KLHL14: variants seen among roughly 807,000 people sequenced by gnomAD.
The protein encoded by KLHL14 is kelch-like protein 14.
Under a neutral mutation model 64.3 loss-of-function variants are expected in KLHL14, and 22 were observed. The observed-to-expected ratio is 0.34, with a 90% CI of 0.24 to 0.49. The LOEUF is 0.49. Among genes scored for constraint, KLHL14 ranks in the 20% least tolerant of loss-of-function variants. The pLI is 0.99. For synonymous variants in KLHL14, 322 were observed against 333.4 expected (o/e 0.97, Z 0.37); for missense variants, 661 against 789.0 (o/e 0.84, Z 1.94).
At chr18:32,761,806 GGGGGTT>G (rs2050315758) in intron 2 of KLHL14, among the ~76,000 whole-genome samples, 1 of 152,090 alleles carries the variant, frequency 6.6e-6, no homozygotes, top group Admixed American at 6.6e-5. Context: ...ATACAAATGT[GGGGGTT>G]ATTCCATAGC....
At position 32,680,201 on chromosome 18, in the gene KLHL14, C is replaced by T. The variant is rs375777459; in HGVS notation, c.1556G>A (p.Arg519His). The stretch of plus-strand genomic sequence containing the variant: ...ATGATTTCCTCCAATTGCATACAAG[C>T]GATCATTCATTACAGCCAAAGTGTG... ...AIHTLAVMND[R>H]LYAIGGNHLK... The change falls in exon 7 of 9, where the codon CGC becomes CAC. Residue 519 changes from arginine to histidine, a missense_variant. By Grantham distance (29) the Arg-to-His change is conservative (BLOSUM62 0). Coordinates refer to ENST00000359358, the MANE Select transcript of KLHL14 (RefSeq NM_020805.3). This position sits in a 1 kb window ranked among gnomAD's most constrained non-coding sequence, Gnocchi z 4.8. The T allele has an allele frequency of 4.0e-5, 64 of 1,613,558 alleles. No individual in the cohort carries two copies. The highest frequency in any genetic ancestry group is 2.3e-4 in the South Asian group (21 of 91,066).
chr18:32,748,815 A>G (rs1304407704), intron 2 of KLHL14, among the ~76,000 whole-genome samples: 1 of 152,146 alleles, frequency 6.6e-6, no homozygotes, highest in Non-Finnish European at 1.5e-5. Context: ...AACCTTATTT[A>G]TAAAATAGGG....
chr18:32,706,463 C>A (rs2144495991), intron 3 of KLHL14, among the ~76,000 whole-genome samples: 1 of 152,080 alleles, frequency 6.6e-6, no homozygotes, highest in East Asian at 1.9e-4. Flanking sequence ...TTTTAACTGG[C>A]AAAACTAGAT....
At chr18:32,689,633 T>G (rs1158172439) in intron 4 of KLHL14, among the ~76,000 whole-genome samples, 1 of 152,126 alleles carries the variant, frequency 6.6e-6, no homozygotes, top group Non-Finnish European at 1.5e-5. Flanking sequence ...GATGCAGCAT[T>G]GAAGGAAGGT....
At chr18:32,737,129 T>C (rs1568078592) in intron 3 of KLHL14, among the ~76,000 whole-genome samples, 1 of 151,966 alleles carries the variant, frequency 6.6e-6, no homozygotes, top group African/African-American at 2.4e-5. Context: ...TCTCCTGCAA[T>C]GAGAAACACA....
In KLHL14 at chr18:32,760,559, A is replaced by G. The variant is rs1043097474; in HGVS notation, c.947+9086T>C. On this transcript the variant is annotated intron_variant, in intron 2 of 8. Coordinates refer to ENST00000359358, the MANE Select transcript of KLHL14 (RefSeq NM_020805.3). ...GAAACCGACTGTAATTCTTCAGTTCACTTCTCTGCAGCCTCCAGTGAGCCA... is the reference window on the plus strand; with the variant it reads ...GAAACCGACTGTAATTCTTCAGTTCGCTTCTCTGCAGCCTCCAGTGAGCCA... Among the ~76,000 whole-genome samples the G allele has an allele frequency of 1.6e-4, 25 of 152,148 alleles. 1 individual carries two copies. Among genetic ancestry groups the G allele is most frequent in the Non-Finnish European group, 2.9e-5 (2 of 68,030 alleles).
At chr18:32,750,278 A>G (rs2050244786) in intron 2 of KLHL14, among the ~76,000 whole-genome samples, 2 of 152,200 alleles carry the variant, frequency 1.3e-5, no homozygotes, top group South Asian at 4.1e-4. Context: ...AGGGGTTCAT[A>G]GCAATTTCTT....
In KLHL14 at chr18:32,772,936, G is replaced by GA. The variant is rs1460789401; in HGVS notation, c.-314dup. Reference sequence around the variant, plus strand: ...AGAGCTTTCTGCAAGAGAAGAAGAAGAAAAAATGTACGTGTGACAAATTAT... The same window carrying GA: ...AGAGCTTTCTGCAAGAGAAGAAGAAGAAAAAAATGTACGTGTGACAAATTAT... On this transcript the variant is annotated 5_prime_UTR_variant, in exon 1 of 9. Coordinates refer to ENST00000359358, the MANE Select transcript of KLHL14 (RefSeq NM_020805.3). 16 of 165,074 alleles carry GA rather than the reference G, an allele frequency of 9.7e-5. No individual in the cohort carries two copies. Among genetic ancestry groups the GA allele is most frequent in the Admixed American group, 7.4e-4 (12 of 16,210 alleles). The allele number at this position is 165,074 out of a possible 1,614,324, so 10.2% of individuals were successfully genotyped here. A position where few individuals can be genotyped will look rare whatever the true frequency, so the allele number is the denominator to read the frequency against.
At chr18:32,703,038 T>C (rs1328528823) in intron 3 of KLHL14, among the ~76,000 whole-genome samples, 1 of 152,212 alleles carries the variant, frequency 6.6e-6, no homozygotes. Context: ...TTTGCAATGA[T>C]TGGACTAAAT....
intron 2 of KLHL14, among the ~76,000 whole-genome samples, chr18:32,760,365 T>TAC (rs1162669041): frequency 7.5e-6 from 1 of 133,332 alleles, no homozygotes; most frequent in Non-Finnish European, 1.6e-5. Context: ...CACACACATA[T>TAC]ACACACACAC....
rs930503444 is a variant in KLHL14 at position 32,673,661 on chromosome 18, T to G, written c.*996A>C. On this transcript the variant is annotated 3_prime_UTR_variant, in exon 9 of 9. Transcript: ENST00000359358. ...TGCTATAATTGGCTCCTGTGGCTCT[T>G]GTAAGTTCTGTGTTTTAGAAACAGA... 6.6e-6 allele frequency: 1 copy of G among 152,210 alleles called. No individual in the cohort carries two copies. The highest frequency in any genetic ancestry group is 6.5e-5 in the Admixed American group (1 of 15,276). 9.4% of individuals were successfully genotyped at this position (152,210 alleles called of 1,614,324 possible).
rs749202864 is a variant in KLHL14 at position 32,770,328 on chromosome 18, C to T, written c.264G>A (p.Pro88=). The T allele has an allele frequency of 1.9e-6, 3 of 1,584,052 alleles. No homozygotes were observed. The highest frequency in any genetic ancestry group is 1.7e-5 in the Admixed American group (1 of 57,688). The change falls in exon 2 of 9, where the codon CCG becomes CCA. Residue 88 remains proline (P), a synonymous_variant. Transcript: ENST00000359358. The surrounding 1 kb of genome is among the most constrained non-coding windows in gnomAD (Gnocchi z 6.7). ...LGAPKDQQQP[P]QQQPSQQQQP... is the part of the protein sequence containing the mutation. ...GCTGCTGCTGTGACGGCTGCTGCTG[C>T]GGCGGCTGCTGCTGGTCCTTGGGGG...
intron 3 of KLHL14, among the ~76,000 whole-genome samples, chr18:32,733,389 G>GGAGAGAGA (rs34935950): frequency 0.034 from 4,976 of 147,454 alleles, 181 homozygotes; most frequent in African/African-American, 0.093. Context: ...GAGAGAGAAA[G>GGAGAGAGA]GAGAGAGAGA....
rs1179310744 is a variant in KLHL14 at position 32,746,380 on chromosome 18, T to TGTGCGCGCCTGTATGCGTGA, written c.948-4351_948-4332dup. Among the ~76,000 whole-genome samples, 66 of 152,362 alleles carry TGTGCGCGCCTGTATGCGTGA rather than the reference T, an allele frequency of 4.3e-4. 1 individual carries two copies. The highest frequency in any genetic ancestry group is 1.5e-3 in the African/African-American group (64 of 41,586). On this transcript the variant is annotated intron_variant, in intron 2 of 8. Transcript: ENST00000359358. Reference sequence around the variant, plus strand: ...TTACCATGTGTCACATTTGGGCGTGTGTGCGCGCCTGTATGCGTGAGTGCT... The same window carrying TGTGCGCGCCTGTATGCGTGA: ...TTACCATGTGTCACATTTGGGCGTGTGTGCGCGCCTGTATGCGTGAGTGCGCGCCTGTATGCGTGAGTGCT...
At chr18:32,688,579 C>T (rs918192331) in intron 4 of KLHL14, among the ~76,000 whole-genome samples, 1 of 152,186 alleles carries the variant, frequency 6.6e-6, no homozygotes, top group Non-Finnish European at 1.5e-5. Context: ...GCAGAATGAG[C>T]CTCTCAGGCA....
At chr18:32,772,301 T>G (rs889824359) in intron 1 of KLHL14, 4 of 335,096 alleles carry the variant, frequency 1.2e-5, no homozygotes, top group Middle Eastern at 3.8e-4. Flanking sequence ...GACCCTACCC[T>G]CCCTCGCGCT....
intron 3 of KLHL14, among the ~76,000 whole-genome samples, chr18:32,711,132 C>T: frequency 6.6e-6 from 1 of 151,914 alleles, no homozygotes; most frequent in East Asian, 1.9e-4. Context: ...TGTGGAAATC[C>T]AACAAAAGAA....
intron 3 of KLHL14, among the ~76,000 whole-genome samples, chr18:32,696,004 C>G (rs2049935087): frequency 6.6e-6 from 1 of 152,140 alleles, no homozygotes; most frequent in South Asian, 2.1e-4. Flanking sequence ...CATAAACAGA[C>G]TCAGGGTGCT....
At chr18:32,711,232 G>T (rs1333393418) in intron 3 of KLHL14, among the ~76,000 whole-genome samples, 3 of 152,012 alleles carry the variant, frequency 2.0e-5, no homozygotes, top group Non-Finnish European at 1.5e-5. Context: ...AAAGCTAAGA[G>T]GCAAAGAAAA....
Sources: gnomAD v4.1 joint callset for allele counts (sites outside exome capture counted in the v4.1 genomes callset) on GRCh38, gnomAD v4.1.1 for gene constraint, Gnocchi (gnomAD v3.1) non-coding constraint, MANE v1.5 for transcripts, NCBI Gene and HGNC (gene_info 2026-07-23, HGNC 2026-07-21) for gene names.